The following GPM6A variants were observed in gnomAD, a reference collection of about 807,000 sequenced individuals.
GPM6A encodes the protein neuronal membrane glycoprotein M6-a.
A neutral mutation model predicts 32.1 loss-of-function variants in GPM6A; 7 were observed. The ratio of observed to expected loss-of-function variants is 0.22; its 90% CI spans 0.12 to 0.41. The LOEUF is 0.41. GPM6A is among the 10% of genes least tolerant of loss of function. The pLI, the probability that GPM6A is intolerant of heterozygous loss-of-function variation, is 1.00. For missense variants in GPM6A, 235 were observed against 347.2 expected (o/e 0.68, Z 2.57); for synonymous variants, 130 against 123.4 (o/e 1.05, Z -0.35).
intron 1 of GPM6A, among the ~76,000 whole-genome samples, chr4:175,841,896 C>T (rs922927273): frequency 6.6e-6 from 1 of 151,958 alleles, no homozygotes; most frequent in East Asian, 1.9e-4. Flanking sequence ...TTCTAGTTTC[C>T]ATAGCTGTCA....
chr4:175,926,918 T>C (rs905677795), intron 1 of GPM6A, among the ~76,000 whole-genome samples: 22 of 152,232 alleles, frequency 1.4e-4, no homozygotes, highest in Non-Finnish European at 2.5e-4. Context: ...ATTTAGTCAC[T>C]TCGCTTTCAA....
In GPM6A at chr4:175,675,823, CG is replaced by C. The variant is rs200338577; in HGVS notation, c.231-1988del. On this transcript the variant is annotated intron_variant, in intron 2 of 6. Transcript: ENST00000393658. ...CACCACCATGCCTTGCAAATTTCTTCGTTTTTTTTGTAGAGACGGGGTTTTG... is the reference window on the plus strand; with the variant it reads ...CACCACCATGCCTTGCAAATTTCTTCTTTTTTTTGTAGAGACGGGGTTTTG... 4.7e-3 allele frequency among the ~76,000 whole-genome samples: 712 copies of C among 151,974 alleles called. 44 individuals are homozygous for C. The East Asian group carries it at 0.13, about 27-fold the overall frequency.
In GPM6A at chr4:175,745,782, G is replaced by A. The variant is rs4146675; in HGVS notation, c.38-44015C>T. 1.8e-4 allele frequency among the ~76,000 whole-genome samples: 28 copies of A among 152,180 alleles called. No individual in the cohort carries two copies. In the South Asian group the frequency reaches 1.9e-3, roughly 10 times the overall value. ...CACCACTGATATTACCAAGGTGTAC[G>A]TTGCGAAGTAAGAAAAAATGTTATC... On this transcript the variant is annotated intron_variant, in intron 1 of 6. Coordinates refer to ENST00000393658, the MANE Select transcript of GPM6A (RefSeq NM_201591.3).
chr4:175,811,938 C>T, intron 1 of GPM6A: 1 of 347,118 alleles, frequency 2.9e-6, no homozygotes, highest in Non-Finnish European at 5.2e-6. Flanking sequence ...AGGAATAGTT[C>T]ACTACAATAC....
At chr4:175,738,838 G>T (rs1731766260) in intron 1 of GPM6A, among the ~76,000 whole-genome samples, 1 of 152,008 alleles carries the variant, frequency 6.6e-6, no homozygotes, top group South Asian at 2.1e-4. Flanking sequence ...TGCATGCTGA[G>T]CTCCACCCTC....
chr4:175,771,368 T>C (rs879542662), intron 1 of GPM6A, among the ~76,000 whole-genome samples: 1 of 151,982 alleles, frequency 6.6e-6, no homozygotes, highest in African/African-American at 2.4e-5. Context: ...GGTCAAGAGA[T>C]TGAGACCTTC....
intron 1 of GPM6A, among the ~76,000 whole-genome samples, chr4:175,738,572 G>A (rs995903801): frequency 4.6e-5 from 7 of 151,894 alleles, no homozygotes; most frequent in East Asian, 1.9e-4. Flanking sequence ...TAGGGAGACC[G>A]AGAAGAGGGC....
chr4:175,812,458 T>C, upstream of GPM6A: 1 of 1,258,010 alleles, frequency 7.9e-7, no homozygotes, highest in Non-Finnish European at 9.9e-7. Context: ...CAAATTACTC[T>C]TCCGTGAAGA....
At chr4:175,638,327 A>T (rs140213629) in intron 6 of GPM6A, among the ~76,000 whole-genome samples, 143 of 152,150 alleles carry the variant, frequency 9.4e-4, no homozygotes, top group Middle Eastern at 6.8e-3. Flanking sequence ...CTACATCATT[A>T]TCAGAGCTAA....
intron 6 of GPM6A, 114 bp from the exon 7 acceptor site, chr4:175,635,171 T>C: frequency 1.3e-6 from 1 of 758,532 alleles, no homozygotes; most frequent in Admixed American, 2.9e-5. Flanking sequence ...TGTTCACATA[T>C]AAAATGGAAA....
rs147824789 is a variant in GPM6A, at chr4:175,694,417, A to C, written c.230+7158T>G. Reference sequence around the variant, plus strand: ...ATGTACAGTGAAGTCTAGGCTGAGGAGTTCTTAGATGGAAAGAAGGAACTT... The same window carrying C: ...ATGTACAGTGAAGTCTAGGCTGAGGCGTTCTTAGATGGAAAGAAGGAACTT... On this transcript the variant is annotated intron_variant, in intron 2 of 6. Transcript: ENST00000393658. 2.9e-3 allele frequency among the ~76,000 whole-genome samples: 440 copies of C among 152,332 alleles called. 2 individuals are homozygous for C. The highest frequency in any genetic ancestry group is 9.6e-3 in the African/African-American group (401 of 41,584).
At chr4:175,753,935 G>A (rs954309370) in intron 1 of GPM6A, among the ~76,000 whole-genome samples, 4 of 151,960 alleles carry the variant, frequency 2.6e-5, no homozygotes, top group South Asian at 2.1e-4. Context: ...ACATACCAAC[G>A]CACCAGGTAG....
chr4:175,805,127 A>T (rs1334582861), intron 1 of GPM6A, among the ~76,000 whole-genome samples: 3 of 151,302 alleles, frequency 2.0e-5, no homozygotes, highest in East Asian at 1.9e-4. Context: ...ATCTCAAAAA[A>T]TTTTTTTTTC....
intron 1 of GPM6A, among the ~76,000 whole-genome samples, chr4:175,761,866 C>T (rs189317240): frequency 7.2e-5 from 11 of 151,828 alleles, no homozygotes; most frequent in African/African-American, 2.7e-4. Context: ...ATGATCACGG[C>T]TCACTCCAAC....
chr4:175,805,149 C>T (rs903738617), intron 1 of GPM6A, among the ~76,000 whole-genome samples: 18 of 151,372 alleles, frequency 1.2e-4, no homozygotes, highest in Admixed American at 1.2e-3. Context: ...AAAAAAAAAG[C>T]TGTCAAGTTT....
At chr4:175,885,268 C>T (rs73010159) in intron 1 of GPM6A, among the ~76,000 whole-genome samples, 5,232 of 152,200 alleles carry the variant, frequency 0.034, 272 homozygotes, top group African/African-American at 0.12. Context: ...GTGATGGAAA[C>T]CAGACACAGC....
In GPM6A at chr4:175,884,065, G is replaced by C. The variant is rs571240807; in HGVS notation, c.-22-71816C>G. 2.1e-4 allele frequency among the ~76,000 whole-genome samples: 32 copies of C among 152,184 alleles called. No homozygotes were observed. In the South Asian group the frequency reaches 5.0e-3, roughly 24 times the overall value. On this transcript the variant is annotated intron_variant, in intron 1 of 7. Transcript: ENST00000280187. ...AAAAATAAGCTTTTCCTTTTCCTTG[G>C]AGCTTTAAATTCATGTGTAGAGCAG...
chr4:175,928,383 G>A (rs1416359160), intron 1 of GPM6A, among the ~76,000 whole-genome samples: 1 of 152,140 alleles, frequency 6.6e-6, no homozygotes, highest in Non-Finnish European at 1.5e-5. Context: ...CCTTTACCTG[G>A]GAAAATTATC....
chr4:175,940,475 T>A (rs1156285930), intron 1 of GPM6A, among the ~76,000 whole-genome samples: 1 of 152,176 alleles, frequency 6.6e-6, no homozygotes, highest in African/African-American at 2.4e-5. Flanking sequence ...AGTTTAAAAA[T>A]TTCTAATACT....
Sources: gnomAD v4.1 joint callset for allele counts (sites outside exome capture counted in the v4.1 genomes callset) on GRCh38, gnomAD v4.1.1 for gene constraint, MANE v1.5 for transcripts, NCBI Gene and HGNC (gene_info 2026-07-23, HGNC 2026-07-21) for gene names.